Variants in TET2 observed in about 807,000 individuals in gnomAD.
TET2 encodes methylcytosine dioxygenase TET2.
TET2 carries 299 observed loss-of-function variants against 142.9 expected under a neutral mutation model. The ratio of observed to expected loss-of-function variants is 2.09; its 90% CI spans 1.90 to 2.30. The LOEUF (loss-of-function observed/expected upper bound fraction) is 2.30, where lower values mean the gene tolerates loss of function less well. Among genes scored for constraint, TET2 ranks in the 30% most tolerant of loss-of-function variants. The pLI, the probability that TET2 is intolerant of heterozygous loss-of-function variation, is 0.00. For synonymous variants in TET2, 819 were observed against 849.0 expected, an observed-to-expected ratio of 0.96 and a Z score of 0.61; for missense variants, 2,418 against 2,378.0, an observed-to-expected ratio of 1.02 and a Z score of -0.35.
intron 2 of TET2, among the ~76,000 whole-genome samples, chr4:105,201,783 C>T (rs1427556332): frequency 7.4e-6 from 1 of 134,522 alleles, no homozygotes; most frequent in African/African-American, 2.9e-5. Flanking sequence ...CTCCTGTTGC[C>T]CAGACTGCGG....
chr4:105,170,814 G>A (rs922580072), intron 1 of TET2, among the ~76,000 whole-genome samples: 1 of 152,140 alleles, frequency 6.6e-6, no homozygotes, highest in Non-Finnish European at 1.5e-5. Context: ...ATATAAACAT[G>A]ATGTGCGACA....
rs114666344 is a variant in TET2, at chr4:105,232,546, A to C, written c.-46-1351A>C. ...ATTCTTTTAGAGAGTCAAAGATGGA[A>C]TCCTAGGGAAGATGATATCTGAGGC... On this transcript the variant is annotated intron_variant, in intron 2 of 10. Coordinates refer to ENST00000380013, the MANE Select transcript of TET2 (RefSeq NM_001127208.3). Among the ~76,000 whole-genome samples, 1,085 of 152,308 alleles carry C rather than the reference A, an allele frequency of 7.1e-3. 11 individuals carry two copies. Among genetic ancestry groups the C allele is most frequent in the African/African-American group, 0.025 (1,025 of 41,554 alleles).
chr4:105,233,952 G>C lies in TET2; in HGVS notation c.10G>C (p.Asp4His), dbSNP rs1465868048. 1.2e-6 allele frequency: 2 copies of C among 1,613,792 alleles called. No individual in the cohort carries two copies. The highest frequency in any genetic ancestry group is 1.1e-5 in the South Asian group (1 of 91,020). Residue 4 changes from aspartate to histidine, a missense_variant, in exon 3 of 11, where the codon GAT becomes CAT. Transcript: ENST00000380013. MEQ[D>H]RTNHVEGNRL... ...CCCCGAAGCAAGCCTGATGGAACAG[G>C]ATAGAACCAACCATGTTGAGGGCAA...
rs759658003 is a variant in TET2, at chr4:105,269,640, C to T, written c.4075C>T (p.Arg1359Cys). The T allele has an allele frequency of 7.7e-6, 12 of 1,551,298 alleles. No homozygotes were observed. Among genetic ancestry groups the T allele is most frequent in the Non-Finnish European group, 1.0e-5 (12 of 1,146,892 alleles). Residue 1359 changes from arginine to cysteine, a missense_variant, in exon 9 of 11, where the codon CGT becomes TGT. Physicochemically the swap from Arg to Cys is radical, Grantham distance 180. Transcript: ENST00000380013. ...IEYEHRAPEC[R>C]LGLKEGRPFS... ...ATATGAACACAGAGCACCAGAGTGC[C>T]GTCTGGGTCTGAAGGAAGGCCGTCC...
chr4:105,180,473 T>G (rs1725050681), intron 1 of TET2, among the ~76,000 whole-genome samples: 1 of 152,180 alleles, frequency 6.6e-6, no homozygotes, highest in African/African-American at 2.4e-5. Context: ...CTTTTAAGTT[T>G]TATCTTTTTT....
In TET2 at chr4:105,175,638, G is replaced by A. The variant is rs921154820; in HGVS notation, c.-192-14722G>A. On this transcript the variant is annotated intron_variant, in intron 1 of 10. Transcript: ENST00000380013. ...TGGGCATACTAGAAAAAGAAAGAAA[G>A]GATTAGATGCAATATTTGAAGAAAT... Among the ~76,000 whole-genome samples the A allele has an allele frequency of 4.0e-5, 6 of 151,872 alleles. 1 individual carries two copies. The highest frequency in any genetic ancestry group is 1.2e-4 in the African/African-American group (5 of 41,316).
intron 1 of TET2, among the ~76,000 whole-genome samples, chr4:105,150,029 C>T (rs1419714023): frequency 6.6e-6 from 1 of 152,176 alleles, no homozygotes; most frequent in East Asian, 1.9e-4. Context: ...TAAGACTCCA[C>T]CCCCAAACAA....
intron 8 of TET2, among the ~76,000 whole-genome samples, chr4:105,268,736 C>T (rs112453949): frequency 0.013 from 2,039 of 152,186 alleles, 44 homozygotes; most frequent in African/African-American, 0.045. Flanking sequence ...TTTCGGAGGC[C>T]GAGGTGGGTG....
At position 105,276,782 on chromosome 4, in the gene TET2, A is replaced by G; in HGVS notation, c.*263A>G. 1 of 392,788 alleles carries G rather than the reference A, an allele frequency of 2.5e-6. No homozygotes were observed. The highest frequency in any genetic ancestry group is 4.6e-6 in the Non-Finnish European group (1 of 217,638). 24.3% of individuals were successfully genotyped at this position (392,788 alleles called of 1,614,324 possible). On this transcript the variant is annotated 3_prime_UTR_variant, in exon 11 of 11. Coordinates refer to ENST00000380013, the MANE Select transcript of TET2 (RefSeq NM_001127208.3). ...GAAGGTGGGGAAGAAAGTGTTCCGCAATTTACATTTTTAAACACTGGTTCT... is the reference window on the plus strand; with the variant it reads ...GAAGGTGGGGAAGAAAGTGTTCCGCGATTTACATTTTTAAACACTGGTTCT...
chr4:105,269,499 T>TTTAAG lies in TET2; in HGVS notation c.4045-108_4045-104dup, dbSNP rs1234200097. On this transcript the variant is annotated intron_variant, in intron 8 of 10. Transcript: ENST00000380013. ...ATTCCATTTTGTTTCTGGATATATA[T>TTTAAG]TTAAGTTCAAAACATTTTTTTAAAG... 1.8e-5 allele frequency: 21 copies of TTTAAG among 1,171,128 alleles called. No homozygotes were observed. The East Asian group carries it at 5.2e-4, about 29-fold the overall frequency. 72.5% of individuals were successfully genotyped at this position (1,171,128 alleles called of 1,614,324 possible).
At chr4:105,202,182 T>C (rs568472785) in intron 2 of TET2, among the ~76,000 whole-genome samples, 73 of 152,318 alleles carry the variant, frequency 4.8e-4, no homozygotes, top group Non-Finnish European at 6.2e-4. Flanking sequence ...ATATATACAA[T>C]TAAGTAGTTC....
intron 2 of TET2, among the ~76,000 whole-genome samples, chr4:105,226,478 G>T (rs1028273048): frequency 5.9e-5 from 9 of 152,076 alleles, no homozygotes; most frequent in Admixed American, 2.0e-4. Flanking sequence ...GGAGGTGGGG[G>T]CCTGGTGGGA....
In TET2 at chr4:105,235,281, A is replaced by C. The variant is rs1728784146; in HGVS notation, c.1339A>C (p.Arg447=). ...YPNQSNTTLL[R]EVKIEGKPEA... ...CAACCAAAGTAACACAACACTTTTA[A>C]GGGAAGTGAAAATAGAGGGTAAACC... The change falls in exon 3 of 11, where the codon AGG becomes CGG. Residue 447 remains arginine, a synonymous_variant. Transcript: ENST00000380013. The C allele has an allele frequency of 6.2e-7, 1 of 1,613,998 alleles. No individual in the cohort carries two copies. The highest frequency in any genetic ancestry group is 8.5e-7 in the Non-Finnish European group (1 of 1,180,020).
chr4:105,158,784 A>C (rs1043916653), intron 1 of TET2, among the ~76,000 whole-genome samples: 1 of 152,180 alleles, frequency 6.6e-6, no homozygotes, highest in African/African-American at 2.4e-5. Context: ...AACAGGAAAA[A>C]AATATTACAG....
At chr4:105,268,741 T>C (rs1316345089) in intron 8 of TET2, among the ~76,000 whole-genome samples, 1 of 151,978 alleles carries the variant, frequency 6.6e-6, no homozygotes, top group Admixed American at 6.6e-5. Flanking sequence ...GAGGCCGAGG[T>C]GGGTGGATCA....
intron 6 of TET2, among the ~76,000 whole-genome samples, chr4:105,246,863 A>G (rs902916734): frequency 6.6e-6 from 1 of 152,230 alleles, no homozygotes; most frequent in Non-Finnish European, 1.5e-5. Flanking sequence ...TTCAGTAGGA[A>G]AGTAAAAACT....
chr4:105,277,053 A>C lies in TET2; in HGVS notation c.*534A>C, dbSNP rs563699819. ...CTGTAATCTTAACTTTTATTTATCA[A>C]AATAGCTACAGGAAACATGAATAGC... On this transcript the variant is annotated 3_prime_UTR_variant, in exon 11 of 11. Coordinates refer to ENST00000380013, the MANE Select transcript of TET2 (RefSeq NM_001127208.3). 3 of 232,364 alleles carry C rather than the reference A, an allele frequency of 1.3e-5. No homozygotes were observed. The highest frequency in any genetic ancestry group is 2.5e-5 in the Non-Finnish European group (3 of 117,696). 14.4% of individuals were successfully genotyped at this position (232,364 alleles called of 1,614,324 possible). A position where few individuals can be genotyped will look rare whatever the true frequency, so the allele number is the denominator to read the frequency against.
intron 2 of TET2, among the ~76,000 whole-genome samples, chr4:105,216,324 C>A (rs1454976918): frequency 1.3e-5 from 2 of 152,028 alleles, no homozygotes; most frequent in Non-Finnish European, 2.9e-5. Context: ...GAATTTTAAT[C>A]AAAGTTCTTT....
intron 2 of TET2, among the ~76,000 whole-genome samples, chr4:105,205,842 C>T (rs1013550756): frequency 6.6e-6 from 1 of 152,086 alleles, no homozygotes; most frequent in African/African-American, 2.4e-5. Context: ...CCATGTTGGT[C>T]AGGCCGGTCT....
Sources: allele counts gnomAD v4.1 joint callset (sites outside exome capture counted in the v4.1 genomes callset), GRCh38; gene constraint gnomAD v4.1.1; transcripts MANE v1.5; gene names NCBI Gene and HGNC (gene_info 2026-07-23, HGNC 2026-07-21).